TBC1D4: variants seen among roughly 807,000 people sequenced by gnomAD.
TBC1D4 encodes TBC1 domain family member 4, also known as TBC (Tre-2, BUB2, CDC16) domain-containing protein.
In TBC1D4, 121 loss-of-function variants were observed where a neutral mutation model predicts 142.5. That is an observed-to-expected ratio of 0.85 (90% CI 0.73 to 0.99). The LOEUF (loss-of-function observed/expected upper bound fraction) is 0.99. Ranked by LOEUF, TBC1D4 falls within the 50% of genes least tolerant of loss-of-function variation. The pLI, the probability that TBC1D4 is intolerant of heterozygous loss-of-function variation, is 0.00. For synonymous variants in TBC1D4, 630 were observed against 628.2 expected, an observed-to-expected ratio of 1.00 and a Z score of -0.04; for missense variants, 1,475 against 1,606.6, an observed-to-expected ratio of 0.92 and a Z score of 1.40.
chr13:75,445,948 G>T (rs1261657308), intron 1 of TBC1D4, among the ~76,000 whole-genome samples: 1 of 152,192 alleles, frequency 6.6e-6, no homozygotes, highest in Non-Finnish European at 1.5e-5. Flanking sequence ...TGATTTATGT[G>T]CTGGTATTCT....
At chr13:75,402,654 AACACACACACACACACACACACACACAC>A (rs56176942) in intron 1 of TBC1D4, among the ~76,000 whole-genome samples, 1 of 142,364 alleles carries the variant, frequency 7.0e-6, no homozygotes, top group African/African-American at 2.6e-5. Flanking sequence ...ATCCCTAGTA[AACACACACACACACACACACACACACAC>A]ACACACACAC....
At chr13:75,452,712 TTA>T (rs545012915) in intron 1 of TBC1D4, among the ~76,000 whole-genome samples, 138 of 152,340 alleles carry the variant, frequency 9.1e-4, no homozygotes, top group Non-Finnish European at 1.6e-3. Context: ...CTATACGGTA[TTA>T]AATCATAAAA....
At chr13:75,413,506 T>G (rs1421515824) in intron 1 of TBC1D4, among the ~76,000 whole-genome samples, 2 of 152,222 alleles carry the variant, frequency 1.3e-5, no homozygotes, top group African/African-American at 4.8e-5. Context: ...TTTGTGATTT[T>G]TTTTAGCTTA....
chr13:75,358,324 T>C (rs886506599), intron 3 of TBC1D4, among the ~76,000 whole-genome samples: 13 of 152,280 alleles, frequency 8.5e-5, no homozygotes, highest in African/African-American at 2.6e-4. Flanking sequence ...AACCAGTAAA[T>C]TGGTAATTAC....
At chr13:75,304,770 G>A (rs1421858386) in intron 15 of TBC1D4, among the ~76,000 whole-genome samples, 4 of 152,124 alleles carry the variant, frequency 2.6e-5, no homozygotes, top group East Asian at 1.9e-4. Context: ...GGAAAGAAAG[G>A]GAGATGGGAA....
intron 1 of TBC1D4, among the ~76,000 whole-genome samples, chr13:75,418,237 C>T (rs1319633221): frequency 6.6e-6 from 1 of 152,056 alleles, no homozygotes; most frequent in Non-Finnish European, 1.5e-5. Context: ...ACCGATATAG[C>T]ATTGAGTATG....
Position 75,362,326 on chromosome 13 carries a change from G to T in TBC1D4, c.780C>A (p.Pro260=). ...EDLADLEVVV[P]GSPGDCLPEE... ...CCGGCAGGCAGTCTCCGGGGGACCC[G>T]GGCACCACCACCTCCAAGTCAGCCA... is the stretch of plus-strand genomic sequence containing the variant. The change falls in exon 2 of 21, where the codon CCC becomes CCA. Residue 260 remains proline, a synonymous_variant. Coordinates refer to ENST00000377636, the MANE Select transcript of TBC1D4 (RefSeq NM_014832.5). The surrounding 1 kb of genome is among the most constrained non-coding windows in gnomAD (Gnocchi z 4.2). The T allele has an allele frequency of 1.2e-6, 2 of 1,614,012 alleles. No homozygotes were observed. Among genetic ancestry groups the T allele is most frequent in the Non-Finnish European group, 1.7e-6 (2 of 1,180,026 alleles).
intron 1 of TBC1D4, among the ~76,000 whole-genome samples, chr13:75,469,317 C>T (rs567385845): frequency 2.7e-4 from 41 of 152,182 alleles, no homozygotes; most frequent in African/African-American, 9.4e-4. Context: ...TGATCTGGCT[C>T]GTATTTTACC....
At chr13:75,479,593 C>A (rs1888750650) in intron 1 of TBC1D4, among the ~76,000 whole-genome samples, 1 of 151,738 alleles carries the variant, frequency 6.6e-6, no homozygotes, top group South Asian at 2.1e-4. Context: ...TCAGATGTCG[C>A]TGGGGGGAAA....
intron 1 of TBC1D4, among the ~76,000 whole-genome samples, chr13:75,409,221 C>T (rs906562170): frequency 6.6e-6 from 1 of 152,100 alleles, no homozygotes; most frequent in Non-Finnish European, 1.5e-5. Flanking sequence ...AATGTATATA[C>T]CAGAATCTCA....
chr13:75,367,498 T>C (rs112485490), intron 1 of TBC1D4, among the ~76,000 whole-genome samples: 1,911 of 151,530 alleles, frequency 0.013, 36 homozygotes, highest in African/African-American at 0.043. Context: ...ATAACTATAG[T>C]AGGCAGAGCA....
chr13:75,393,846 G>A (rs767247870), intron 1 of TBC1D4, among the ~76,000 whole-genome samples: 35 of 150,662 alleles, frequency 2.3e-4, no homozygotes, highest in African/African-American at 8.1e-4. Flanking sequence ...CAGGAGAATC[G>A]AACCAGGGAG....
chr13:75,341,301 C>T, intron 6 of TBC1D4, 66 bp from the exon 7 acceptor site: 1 of 1,480,214 alleles, frequency 6.8e-7, no homozygotes, highest in South Asian at 1.1e-5. Context: ...TTCTGTCGGG[C>T]AGACAAACGT....
At chr13:75,465,058 C>T (rs1314018419) in intron 1 of TBC1D4, among the ~76,000 whole-genome samples, 1 of 152,148 alleles carries the variant, frequency 6.6e-6, no homozygotes, top group East Asian at 1.9e-4. Flanking sequence ...AATGAATTCA[C>T]TCACTCCTCG....
intron 1 of TBC1D4, among the ~76,000 whole-genome samples, chr13:75,481,036 T>A (rs1354507550): frequency 1.3e-5 from 2 of 152,086 alleles, no homozygotes; most frequent in Non-Finnish European, 2.9e-5. Flanking sequence ...TCCCTCCGGG[T>A]CCCTGCTGTA....
intron 1 of TBC1D4, chr13:75,377,417 T>C (rs1883577245): frequency 6.6e-6 from 1 of 152,114 alleles, no homozygotes; most frequent in African/African-American, 2.4e-5. Context: ...ACCATGCTTG[T>C]TTCTAGAAGA....
chr13:75,286,827 G>A lies in TBC1D4; in HGVS notation c.3862C>T (p.Pro1288Ser), dbSNP rs1593851792. Residue 1288 changes from proline to serine, a missense_variant, in exon 21 of 21, where the codon CCT becomes TCT. Physicochemically the swap from Pro to Ser is moderately conservative, Grantham distance 74. Coordinates refer to ENST00000377636, the MANE Select transcript of TBC1D4 (RefSeq NM_014832.5). ...TTTCCTATCTTGGCTTTGTTGTTAGGGTTGCAGTTTAGGTCTCTCAGCAAC... is the reference window on the plus strand; with the variant it reads ...TTTCCTATCTTGGCTTTGTTGTTAGAGTTGCAGTTTAGGTCTCTCAGCAAC... Reference protein sequence around the residue: ...DLLLRDLNCNPNNKAKIGNKP With the variant: ...DLLLRDLNCNSNNKAKIGNKP The A allele has an allele frequency of 1.9e-6, 3 of 1,613,828 alleles. No individual in the cohort carries two copies. The highest frequency in any genetic ancestry group is 1.7e-6 in the Non-Finnish European group (2 of 1,179,930).
At chr13:75,435,119 A>G (rs1175031858) in intron 1 of TBC1D4, among the ~76,000 whole-genome samples, 2 of 152,064 alleles carry the variant, frequency 1.3e-5, no homozygotes, top group African/African-American at 2.4e-5. Flanking sequence ...CATCTATTCT[A>G]ATACACACAA....
chr13:75,454,269 T>C (rs1172011179), intron 1 of TBC1D4, among the ~76,000 whole-genome samples: 1 of 152,174 alleles, frequency 6.6e-6, no homozygotes, highest in Non-Finnish European at 1.5e-5. Context: ...TTCTGCCTTA[T>C]ATTCCCAAAG....
Sources: gnomAD v4.1 joint callset for allele counts (sites outside exome capture counted in the v4.1 genomes callset) on GRCh38, gnomAD v4.1.1 for gene constraint, Gnocchi (gnomAD v3.1) non-coding constraint, MANE v1.5 for transcripts, NCBI Gene and HGNC (gene_info 2026-07-23, HGNC 2026-07-21) for gene names.